NUFIP2: variants seen among roughly 807,000 people sequenced by gnomAD.
NUFIP2 encodes the protein nuclear FMR1 interacting protein 2.
In NUFIP2, 6 loss-of-function variants were observed where a neutral mutation model predicts 56.9. The observed-to-expected ratio is 0.11, with a 90% CI of 0.06 to 0.21. NUFIP2 has a LOEUF of 0.21. Ranked by LOEUF, NUFIP2 falls within the 10% of genes least tolerant of loss-of-function variation. The pLI, the probability that NUFIP2 is intolerant of heterozygous loss-of-function variation, is 1.00. For synonymous variants in NUFIP2, 321 were observed against 298.2 expected (o/e 1.08, Z -0.79); for missense variants, 828 against 826.8 (o/e 1.00, Z -0.02).
chr17:29,291,295 G>T (rs2069211757), intron 1 of NUFIP2, among the ~76,000 whole-genome samples: 1 of 152,000 alleles, frequency 6.6e-6, no homozygotes, highest in East Asian at 1.9e-4. Context: ...TTTTCAATTA[G>T]AAACAAATTA....
intron 1 of NUFIP2, 112 bp downstream of exon 1, chr17:29,293,671 A>G: frequency 3.4e-6 from 2 of 585,148 alleles, no homozygotes; most frequent in Non-Finnish European, 2.4e-6. Flanking sequence ...GCCGGAGGGG[A>G]CACACACACA....
At chr17:29,269,923 T>C (rs568327053) in intron 2 of NUFIP2, among the ~76,000 whole-genome samples, 27 of 152,184 alleles carry the variant, frequency 1.8e-4, no homozygotes, top group African/African-American at 6.3e-4. Context: ...GGTTTCACCG[T>C]GTTAGCCAGG....
intron 1 of NUFIP2, among the ~76,000 whole-genome samples, chr17:29,291,915 G>A (rs1357867749): frequency 6.6e-6 from 1 of 151,044 alleles, no homozygotes; most frequent in East Asian, 2.0e-4. Context: ...CAGTCTTCAA[G>A]TTACAATCTG....
intron 2 of NUFIP2, among the ~76,000 whole-genome samples, chr17:29,282,032 G>C (rs970445228): frequency 4.0e-5 from 6 of 151,548 alleles, no homozygotes; most frequent in African/African-American, 1.5e-4. Context: ...AAAGTGCTGG[G>C]ATTACAGGCG....
At chr17:29,290,684 G>C (rs1362863609) in intron 1 of NUFIP2, among the ~76,000 whole-genome samples, 4 of 145,842 alleles carry the variant, frequency 2.7e-5, no homozygotes, top group Non-Finnish European at 6.1e-5. Flanking sequence ...AAGAAAGAAA[G>C]AAAGAAAAGC....
intron 2 of NUFIP2, among the ~76,000 whole-genome samples, chr17:29,283,776 C>T (rs867816219): frequency 2.0e-5 from 3 of 152,182 alleles, no homozygotes; most frequent in Non-Finnish European, 4.4e-5. Context: ...TAACACATGT[C>T]TTAAAAAACG....
At position 29,287,174 on chromosome 17, in the gene NUFIP2, C is replaced by T; in HGVS notation, c.820G>A (p.Asp274Asn). 1 of 1,614,192 alleles carries T rather than the reference C, an allele frequency of 6.2e-7. No homozygotes were observed. The highest frequency in any genetic ancestry group is 8.5e-7 in the Non-Finnish European group (1 of 1,180,028). The stretch of plus-strand genomic sequence containing the variant: ...TACTTCCAAATGGGCTTCGAACCAT[C>T]TACTCGATTTCCCTTTTGTTCACTA... ...DYSEQKGNRV[D>N]GSKPIWKYET... Residue 274 changes from aspartate (D) to asparagine (N), a missense_variant, in exon 2 of 4, where the codon GAT becomes AAT. Physicochemically the swap from Asp to Asn is conservative, Grantham distance 23. Transcript: ENST00000225388.
chr17:29,284,881 C>T (rs1345634527), intron 2 of NUFIP2, among the ~76,000 whole-genome samples: 1 of 152,098 alleles, frequency 6.6e-6, no homozygotes, highest in African/African-American at 2.4e-5. Flanking sequence ...AACTTATTTT[C>T]CAGTTACAAA....
At position 29,259,020 on chromosome 17, in the gene NUFIP2, T is replaced by G. The variant is rs2068986760; in HGVS notation, c.*5519A>C. 1 of 152,218 alleles carries G rather than the reference T, an allele frequency of 6.6e-6. No individual in the cohort carries two copies. Among genetic ancestry groups the G allele is most frequent in the Non-Finnish European group, 1.5e-5 (1 of 68,040 alleles). The allele number at this position is 152,218 out of a possible 1,614,324, so 9.4% of individuals were successfully genotyped here. Reference sequence around the variant, plus strand: ...GTAAACTAAAGGCATTCATTCATATTTACATATTAAAACCACTTTTGTTAA... The same window carrying G: ...GTAAACTAAAGGCATTCATTCATATGTACATATTAAAACCACTTTTGTTAA... On this transcript the variant is annotated 3_prime_UTR_variant, in exon 4 of 4. Transcript: ENST00000225388.
chr17:29,279,065 A>G (rs2069125299), intron 2 of NUFIP2, among the ~76,000 whole-genome samples: 1 of 152,252 alleles, frequency 6.6e-6, no homozygotes, highest in Non-Finnish European at 1.5e-5. Context: ...TTGCAGGCAC[A>G]CATTAATAAG....
chr17:29,263,934 A>C lies in NUFIP2; in HGVS notation c.*605T>G, dbSNP rs2069018670. ...TCCCCAACACCCCAGAGGCCGCTTA[A>C]CTCCTGGCAAGACATGCAAATCATA... On this transcript the variant is annotated 3_prime_UTR_variant, in exon 4 of 4. Coordinates refer to ENST00000225388, the MANE Select transcript of NUFIP2 (RefSeq NM_020772.3). 1 of 152,610 alleles carries C rather than the reference A, an allele frequency of 6.6e-6. No individual in the cohort carries two copies. Among genetic ancestry groups the C allele is most frequent in the African/African-American group, 2.4e-5 (1 of 41,408 alleles). The allele number at this position is 152,610 out of a possible 1,614,324, so 9.5% of individuals were successfully genotyped here.
At position 29,293,881 on chromosome 17, in the gene NUFIP2, T is replaced by G; in HGVS notation, c.179A>C (p.His60Pro). ...GGCCTTGGGGCTGCCCTCGGCTCCA[T>G]GCTGCAGGTATTGGTGAGGCTGCTG... is the stretch of plus-strand genomic sequence containing the variant. ...HHQQPHQYLQ[H>P]GAEGSPKAQP... The change falls in exon 1 of 4, where the codon CAT becomes CCT. Residue 60 changes from histidine (H) to proline (P), a missense_variant. Physicochemically the swap from His to Pro is moderately conservative, Grantham distance 77. Around this residue, in one of 3 missense-constraint regions of NUFIP2, gnomAD observed 415 missense variants for 408.7 expected, o/e 1.02. Coordinates refer to ENST00000225388, the MANE Select transcript of NUFIP2 (RefSeq NM_020772.3). The G allele has an allele frequency of 6.2e-7, 1 of 1,613,928 alleles. No individual in the cohort carries two copies. Among genetic ancestry groups the G allele is most frequent in the Non-Finnish European group, 8.5e-7 (1 of 1,179,918 alleles).
In NUFIP2 at chr17:29,264,004, G is replaced by C. The variant is rs1301568533; in HGVS notation, c.*535C>G. ...CTGCTAACTTCAAGGCATTTATCCA[G>C]CATTCTCGCAGGGCTTAATTAAAGT... On this transcript the variant is annotated 3_prime_UTR_variant, in exon 4 of 4. Coordinates refer to ENST00000225388, the MANE Select transcript of NUFIP2 (RefSeq NM_020772.3). The C allele has an allele frequency of 6.6e-6, 1 of 152,632 alleles. No individual in the cohort carries two copies. The highest frequency in any genetic ancestry group is 1.5e-5 in the Non-Finnish European group (1 of 68,032). 9.5% of individuals were successfully genotyped at this position (152,632 alleles called of 1,614,324 possible).
chr17:29,276,519 G>A (rs920656880), intron 2 of NUFIP2, among the ~76,000 whole-genome samples: 7 of 152,032 alleles, frequency 4.6e-5, no homozygotes, highest in African/African-American at 1.7e-4. Flanking sequence ...ATTGTTTTAG[G>A]AGAGATGGGA....
At position 29,283,031 on chromosome 17, in the gene NUFIP2, G is replaced by A. The variant is rs1314931525; in HGVS notation, c.2002+2961C>T. Among the ~76,000 whole-genome samples the A allele has an allele frequency of 3.3e-5, 5 of 152,040 alleles. No individual in the cohort carries two copies. The East Asian group carries it at 7.7e-4, about 23-fold the overall frequency. On this transcript the variant is annotated intron_variant, in intron 2 of 3. Transcript: ENST00000225388. ...TGAGTATTATTTATTGTTCTAGAGG[G>A]GTAAAAATTTTGATGCCAATCTGAT... is the stretch of plus-strand genomic sequence containing the variant.
chr17:29,284,503 T>C (rs1036104077), intron 2 of NUFIP2, among the ~76,000 whole-genome samples: 1 of 151,602 alleles, frequency 6.6e-6, no homozygotes, highest in South Asian at 2.1e-4. Context: ...GTCAGGAGTT[T>C]GAGACCAGCC....
At chr17:29,291,069 T>A (rs1217310624) in intron 1 of NUFIP2, among the ~76,000 whole-genome samples, 1 of 151,708 alleles carries the variant, frequency 6.6e-6, no homozygotes, top group African/African-American at 2.4e-5. Context: ...GAAAATCTTG[T>A]TTAACTACAT....
intron 2 of NUFIP2, among the ~76,000 whole-genome samples, chr17:29,270,324 G>GGAAA (rs1283052873): frequency 2.5e-4 from 20 of 81,410 alleles, no homozygotes; most frequent in African/African-American, 8.2e-4. Flanking sequence ...CTAACCTGGA[G>GGAAA]AAAAAAAAAA....
At chr17:29,278,906 G>T (rs1004147758) in intron 2 of NUFIP2, among the ~76,000 whole-genome samples, 2 of 152,158 alleles carry the variant, frequency 1.3e-5, no homozygotes, top group African/African-American at 4.8e-5. Flanking sequence ...CTCACTGGGA[G>T]AAAGGGGACC....
Sources: gnomAD v4.1 joint callset for allele counts (sites outside exome capture counted in the v4.1 genomes callset) on GRCh38, gnomAD v4.1.1 for gene constraint, gnomAD v4.1.1 regional missense constraint, MANE v1.5 for transcripts, NCBI Gene and HGNC (gene_info 2026-07-23, HGNC 2026-07-21) for gene names.